DRAXIN: variants seen among roughly 807,000 people sequenced by gnomAD.
DRAXIN encodes dorsal repulsive axon guidance protein.
DRAXIN carries 27 observed loss-of-function variants against 33.9 expected under a neutral mutation model. The observed-to-expected ratio is 0.80, with a 90% confidence interval of 0.59 to 1.10. DRAXIN has a LOEUF of 1.10. DRAXIN is among the 50% of genes least tolerant of loss of function. The probability of loss-of-function intolerance (pLI) is 0.00; values close to 1 mark genes in which losing one functional copy is unlikely to be tolerated. For missense variants in DRAXIN, 371 were observed against 460.8 expected, an observed-to-expected ratio of 0.81 and a Z score of 1.78; for synonymous variants, 178 against 194.0, an observed-to-expected ratio of 0.92 and a Z score of 0.69.
In DRAXIN at chr1:11,694,806, G is replaced by A. The variant is rs370564119; in HGVS notation, c.-11+2953G>A. ...CCCCAAGAAGAAGAAGGTTGTGGGA[G>A]GATGGCTGAATCCTTGCCAGTAGAG... On this transcript the variant is annotated intron_variant, in intron 1 of 6. Coordinates refer to ENST00000294485, the MANE Select transcript of DRAXIN (RefSeq NM_198545.4). The surrounding 1 kb of genome is among the most constrained non-coding windows in gnomAD (Gnocchi z 4.9). Among the ~76,000 whole-genome samples the A allele has an allele frequency of 6.6e-6, 1 of 152,166 alleles. No individual in the cohort carries two copies. Among genetic ancestry groups the A allele is most frequent in the African/African-American group, 2.4e-5 (1 of 41,418 alleles).
rs1641196182 is a variant in DRAXIN, at chr1:11,696,615, G to C, written c.-11+4762G>C. On this transcript the variant is annotated intron_variant, in intron 1 of 6. Transcript: ENST00000294485. This position sits in a 1 kb window ranked among gnomAD's most constrained non-coding sequence, Gnocchi z 4.7. ...AAAACCAAAACAAAAAACACTTTGG[G>C]AGGCCAAAGCGAGCAGGTCACGAGG... Among the ~76,000 whole-genome samples, 1 of 151,174 alleles carries C rather than the reference G, an allele frequency of 6.6e-6. No individual in the cohort carries two copies. The highest frequency in any genetic ancestry group is 1.5e-5 in the Non-Finnish European group (1 of 67,798).
chr1:11,712,047 G>A, intron 4 of DRAXIN, 82 bp downstream of exon 4: 2 of 1,340,394 alleles, frequency 1.5e-6, no homozygotes, highest in Non-Finnish European at 1.0e-6. Context: ...GCCCCAGTGA[G>A]CCCTGTCTGA....
At position 11,711,955 on chromosome 1, in the gene DRAXIN, A is replaced by G; in HGVS notation, c.747A>G (p.Ala249=). Residue 249 remains alanine, a synonymous_variant, in exon 4 of 7, where the codon GCA becomes GCG. Coordinates refer to ENST00000294485, the MANE Select transcript of DRAXIN (RefSeq NM_198545.4). ...TAAAACCTGATGGTTGGCCCTCTGC[A>G]AAGAAGAAAGGTATGCCCACCTACC... is the stretch of plus-strand genomic sequence containing the variant. ...EDLKPDGWPS[A]KKKEKHRGKL... The G allele has an allele frequency of 6.2e-7, 1 of 1,612,714 alleles. No individual in the cohort carries two copies. Among genetic ancestry groups the G allele is most frequent in the Non-Finnish European group, 8.5e-7 (1 of 1,179,346 alleles).
chr1:11,706,413 C>A lies in DRAXIN; in HGVS notation c.155C>A (p.Pro52His), dbSNP rs1641381241. 1 of 1,612,460 alleles carries A rather than the reference C, an allele frequency of 6.2e-7. No homozygotes were observed. Among genetic ancestry groups the A allele is most frequent in the Admixed American group, 1.7e-5 (1 of 59,968 alleles). ...IDLPGPALWT[P>H]QASHHRRRGP... ...CTCCCAGGCCCAGCGCTGTGGACGC[C>A]TCAGGCCAGCCACCACCGCCGGCGG... The change falls in exon 2 of 7, where the codon CCT (proline) becomes CAT (histidine). Residue 52 changes from proline to histidine, a missense_variant. Physicochemically the swap from Pro to His is moderately conservative, Grantham distance 77. Transcript: ENST00000294485. The surrounding 1 kb of genome is among the most constrained non-coding windows in gnomAD (Gnocchi z 5.5).
At chr1:11,715,013 G>T in intron 5 of DRAXIN, 106 bp from the exon 6 acceptor site, 2 of 1,364,574 alleles carry the variant, frequency 1.5e-6, no homozygotes, top group South Asian at 1.2e-5. Flanking sequence ...GCCAGGGCGC[G>T]GCCTGCCACA....
intron 1 of DRAXIN, among the ~76,000 whole-genome samples, chr1:11,700,477 T>C (rs1276561533): frequency 6.6e-6 from 1 of 152,232 alleles, no homozygotes; most frequent in Admixed American, 6.5e-5. Flanking sequence ...GAAGCCCAAG[T>C]TATGATGGGG....
At chr1:11,719,554 C>T (rs1641629379) in intron 6 of DRAXIN, 30 bp from the exon 7 acceptor site, 11 of 1,583,104 alleles carry the variant, frequency 6.9e-6, no homozygotes, top group Non-Finnish European at 9.5e-6. Flanking sequence ...CCCTTCGCGC[C>T]TCTGACCCCC....
At chr1:11,702,631 CAT>C (rs1420574140) in intron 1 of DRAXIN, among the ~76,000 whole-genome samples, 1 of 149,016 alleles carries the variant, frequency 6.7e-6, no homozygotes, top group Non-Finnish European at 1.5e-5. Context: ...CACACACACA[CAT>C]GCTCACACAT....
At chr1:11,716,294 C>T (rs1641576722) in intron 6 of DRAXIN, among the ~76,000 whole-genome samples, 1 of 152,260 alleles carries the variant, frequency 6.6e-6, no homozygotes, top group Admixed American at 6.5e-5. Context: ...TCTATCATCT[C>T]TCACACACTT....
At chr1:11,707,996 T>C (rs1641416582) in intron 2 of DRAXIN, among the ~76,000 whole-genome samples, 2 of 152,200 alleles carry the variant, frequency 1.3e-5, no homozygotes, top group African/African-American at 2.4e-5. Context: ...TCAACACCCC[T>C]TCTCGTGCAA....
At chr1:11,707,204 A>AAAT (rs1641398154) in intron 2 of DRAXIN, among the ~76,000 whole-genome samples, 1 of 152,140 alleles carries the variant, frequency 6.6e-6, no homozygotes, top group South Asian at 2.1e-4. Context: ...CCGTCTCAAA[A>AAAT]AATAATAATA....
In DRAXIN at chr1:11,704,798, T is replaced by A. The variant is rs1641353790; in HGVS notation, c.-10-1451T>A. The stretch of plus-strand genomic sequence containing the variant: ...GCCACCTCCTTGTCTCCATCCACAG[T>A]TCTAGGAAGAGCTGAGCTGTGGACA... On this transcript the variant is annotated intron_variant, in intron 1 of 6. Transcript: ENST00000294485. This position sits in a 1 kb window ranked among gnomAD's most constrained non-coding sequence, Gnocchi z 4.6. Among the ~76,000 whole-genome samples the A allele has an allele frequency of 6.6e-6, 1 of 152,166 alleles. No individual in the cohort carries two copies. The highest frequency in any genetic ancestry group is 2.4e-5 in the African/African-American group (1 of 41,434).
intron 6 of DRAXIN, among the ~76,000 whole-genome samples, chr1:11,716,923 C>T (rs1641586712): frequency 6.6e-6 from 1 of 152,222 alleles, no homozygotes; most frequent in Non-Finnish European, 1.5e-5. Flanking sequence ...GTTCTGTGCC[C>T]ATGAATTACA....
chr1:11,709,212 A>G (rs1641436299), intron 2 of DRAXIN, 63 bp from the exon 3 acceptor site: 2 of 1,507,604 alleles, frequency 1.3e-6, no homozygotes, highest in East Asian at 4.7e-5. Flanking sequence ...CGTGGGTTCT[A>G]CTGTAGACTG....
intron 5 of DRAXIN, 54 bp downstream of exon 5, chr1:11,712,483 T>C: frequency 6.3e-7 from 1 of 1,584,508 alleles, no homozygotes; most frequent in East Asian, 2.2e-5. Flanking sequence ...GGAGGGAACC[T>C]GGGTGGGAGT....
At chr1:11,702,677 C>T (rs1641314159) in intron 1 of DRAXIN, among the ~76,000 whole-genome samples, 1 of 151,526 alleles carries the variant, frequency 6.6e-6, no homozygotes, top group South Asian at 2.1e-4. Context: ...CACATACATG[C>T]CAGATGCTCA....
chr1:11,694,136 C>T lies in DRAXIN; in HGVS notation c.-11+2283C>T, dbSNP rs1198617844. 1.3e-5 allele frequency among the ~76,000 whole-genome samples: 2 copies of T among 152,142 alleles called. No homozygotes were observed. Among genetic ancestry groups the T allele is most frequent in the African/African-American group, 2.4e-5 (1 of 41,426 alleles). On this transcript the variant is annotated intron_variant, in intron 1 of 6. Transcript: ENST00000294485. This position sits in a 1 kb window ranked among gnomAD's most constrained non-coding sequence, Gnocchi z 4.9. Reference sequence around the variant, plus strand: ...GCTCTTGTGAACTGCACGGCATAATCCCTATCTGGGAGGGGTCTGCTCCTC... The same window carrying T: ...GCTCTTGTGAACTGCACGGCATAATTCCTATCTGGGAGGGGTCTGCTCCTC...
rs561515093 is a variant in DRAXIN at position 11,715,001 on chromosome 1, C to G, written c.848-118C>G. On this transcript the variant is annotated intron_variant, in intron 5 of 6. Coordinates refer to ENST00000294485, the MANE Select transcript of DRAXIN (RefSeq NM_198545.4). Reference sequence around the variant, plus strand: ...AGCCTTGCACACCAGATGGCCCACCCCGCCAGGGCGCGGCCTGCCACAGAG... The same window carrying G: ...AGCCTTGCACACCAGATGGCCCACCGCGCCAGGGCGCGGCCTGCCACAGAG... 67 of 1,228,680 alleles carry G rather than the reference C, an allele frequency of 5.5e-5. No individual in the cohort carries two copies. The African/African-American group carries it at 9.5e-4, about 17-fold the overall frequency. 76.1% of individuals were successfully genotyped at this position (1,228,680 alleles called of 1,614,324 possible).
chr1:11,719,425 C>A (rs1641626491), intron 6 of DRAXIN, among the ~76,000 whole-genome samples, 159 bp from the exon 7 acceptor site: 1 of 152,246 alleles, frequency 6.6e-6, no homozygotes, highest in East Asian at 1.9e-4. Flanking sequence ...CTTCCGGGTT[C>A]GTGTCTTTTA....
Sources: allele counts gnomAD v4.1 joint callset (sites outside exome capture counted in the v4.1 genomes callset), GRCh38; gene constraint gnomAD v4.1.1; non-coding constraint Gnocchi (gnomAD v3.1); transcripts MANE v1.5; gene names NCBI Gene and HGNC (gene_info 2026-07-23, HGNC 2026-07-21).